HECW1: variants seen among roughly 807,000 people sequenced by gnomAD.
HECW1 encodes the protein E3 ubiquitin-protein ligase HECW1.
In HECW1, 61 loss-of-function variants were observed where a neutral mutation model predicts 182.3. The ratio of observed to expected loss-of-function variants is 0.33; its 90% CI spans 0.27 to 0.41. The LOEUF is 0.41. Among genes scored for constraint, HECW1 ranks in the 10% least tolerant of loss-of-function variants. The probability of loss-of-function intolerance (pLI) is 1.00; values close to 1 mark genes in which losing one functional copy is unlikely to be tolerated. For synonymous variants in HECW1, 859 were observed against 832.6 expected (o/e 1.03, Z -0.55); for missense variants, 1,739 against 2,108.9 (o/e 0.82, Z 3.44).
intron 21 of HECW1, among the ~76,000 whole-genome samples, chr7:43,506,298 G>A (rs17172218): frequency 0.065 from 9,839 of 152,080 alleles, 510 homozygotes; most frequent in African/African-American, 0.14. Flanking sequence ...ATCACTTCTT[G>A]TAGCAACTTA....
At chr7:43,140,070 A>G (rs547136530) in intron 2 of HECW1, among the ~76,000 whole-genome samples, 1 of 152,134 alleles carries the variant, frequency 6.6e-6, no homozygotes, top group Non-Finnish European at 1.5e-5. Context: ...TTGTTTTGTC[A>G]TCTTTTTATT....
rs953551081 is a variant in HECW1, at chr7:43,274,258, C to T, written c.27+30326C>T. On this transcript the variant is annotated intron_variant, in intron 3 of 29. Coordinates refer to ENST00000395891, the MANE Select transcript of HECW1 (RefSeq NM_015052.5). Reference sequence around the variant, plus strand: ...CCCCTCTACTGCATGCGAATCTTTGCGCCTAAATCATGTCGTCGCCAAGTC... The same window carrying T: ...CCCCTCTACTGCATGCGAATCTTTGTGCCTAAATCATGTCGTCGCCAAGTC... 41 of 873,090 alleles carry T rather than the reference C, an allele frequency of 4.7e-5. No homozygotes were observed. In the African/African-American group the frequency reaches 5.2e-4, roughly 11 times the overall value. The allele number at this position is 873,090 out of a possible 1,614,324, so 54.1% of individuals were successfully genotyped here.
intron 3 of HECW1, among the ~76,000 whole-genome samples, chr7:43,301,341 C>T (rs1806754178): frequency 6.6e-6 from 1 of 152,204 alleles, no homozygotes; most frequent in Non-Finnish European, 1.5e-5. Context: ...GCTTCCATGT[C>T]CTCCCATCTG....
At chr7:43,311,521 A>G in intron 3 of HECW1, 5 of 712,782 alleles carry the variant, frequency 7.0e-6, no homozygotes, top group South Asian at 1.4e-5. Context: ...AGAGACTCCA[A>G]CAAAACATGG....
chr7:43,445,521 C>G lies in HECW1; in HGVS notation c.2349C>G (p.Ser783Arg), dbSNP rs771352848. 20 of 1,609,466 alleles carry G rather than the reference C, an allele frequency of 1.2e-5. No homozygotes were observed. Among genetic ancestry groups the G allele is most frequent in the Non-Finnish European group, 1.7e-5 (20 of 1,177,568 alleles). Residue 783 changes from serine to arginine, a missense_variant, in exon 11 of 30, where the codon AGC (serine) becomes AGG (arginine). Ser to Arg is a moderately radical substitution (Grantham distance 110, BLOSUM62 -1). Around this residue, in one of 5 missense-constraint regions of HECW1, gnomAD observed 971 missense variants for 1,029.1 expected, o/e 0.94. Transcript: ENST00000395891. ...CCCCTAGCGGGCACGTGGAAAGAAG[C>G]CCGGAAGGTCTGGAATCCCCCGTGG... ...LAAPSGHVER[S>R]PEGLESPVAG...
intron 26 of HECW1, among the ~76,000 whole-genome samples, chr7:43,550,041 T>G (rs77863180): frequency 6.6e-6 from 1 of 151,182 alleles, no homozygotes; most frequent in African/African-American, 2.4e-5. Context: ...TACTTTGGAG[T>G]TGGGAGGATC....
rs992878489 is a variant in HECW1 at position 43,432,598 on chromosome 7, C to T, written c.802-5405C>T. The stretch of plus-strand genomic sequence containing the variant: ...AGACTCTGAGGTCTAAAGTTGGAGG[C>T]TGTGGCCCCAGCACTCCAGCACAGA... On this transcript the variant is annotated intron_variant, in intron 8 of 29. Transcript: ENST00000395891. This position sits in a 1 kb window ranked among gnomAD's most constrained non-coding sequence, Gnocchi z 4.1. 6.6e-6 allele frequency among the ~76,000 whole-genome samples: 1 copy of T among 152,208 alleles called. No homozygotes were observed. Among genetic ancestry groups the T allele is most frequent in the African/African-American group, 2.4e-5 (1 of 41,464 alleles).
chr7:43,203,285 T>TA (rs1390592263), intron 2 of HECW1, among the ~76,000 whole-genome samples: 2 of 152,220 alleles, frequency 1.3e-5, no homozygotes, highest in African/African-American at 4.8e-5. Flanking sequence ...TTCCCTAACT[T>TA]ATTGAGATAG....
intron 9 of HECW1, chr7:43,438,874 C>A (rs947078577): frequency 1.3e-5 from 2 of 152,088 alleles, no homozygotes; most frequent in Non-Finnish European, 2.9e-5. Flanking sequence ...GTAACCCTTA[C>A]AAAGATAGCA....
chr7:43,337,115 C>G (rs1211072498), intron 5 of HECW1, among the ~76,000 whole-genome samples: 2 of 152,080 alleles, frequency 1.3e-5, no homozygotes, highest in African/African-American at 4.8e-5. Context: ...TGGAATATCT[C>G]CATATTGTTT....
At chr7:43,287,047 G>C (rs1430050822) in intron 3 of HECW1, among the ~76,000 whole-genome samples, 1 of 152,058 alleles carries the variant, frequency 6.6e-6, no homozygotes, top group East Asian at 1.9e-4. Context: ...ATGGTTGGGG[G>C]TGGTGGGGAG....
intron 2 of HECW1, among the ~76,000 whole-genome samples, chr7:43,229,155 C>T (rs573496781): frequency 1.1e-4 from 16 of 152,288 alleles, no homozygotes; most frequent in African/African-American, 3.4e-4. Context: ...GATACGTTTC[C>T]GGTGTTGAGC....
chr7:43,365,718 T>G (rs1816556224), intron 6 of HECW1, among the ~76,000 whole-genome samples: 1 of 152,328 alleles, frequency 6.6e-6, no homozygotes, highest in South Asian at 2.1e-4. Context: ...TTCTTCTTCC[T>G]TCATGTTAAT....
chr7:43,374,026 T>G (rs558290361), intron 6 of HECW1, among the ~76,000 whole-genome samples: 1 of 152,352 alleles, frequency 6.6e-6, no homozygotes, highest in South Asian at 2.1e-4. Flanking sequence ...TCTATTCTGA[T>G]TATCCATTCC....
At chr7:43,166,093 G>GA (rs1554297262) in intron 2 of HECW1, among the ~76,000 whole-genome samples, 8 of 151,924 alleles carry the variant, frequency 5.3e-5, no homozygotes, top group Admixed American at 2.0e-4. Flanking sequence ...TGTGTTTTTG[G>GA]TTTTTTTTGA....
chr7:43,457,964 A>C (rs1309840142), intron 13 of HECW1, among the ~76,000 whole-genome samples: 1 of 152,190 alleles, frequency 6.6e-6, no homozygotes, highest in Non-Finnish European at 1.5e-5. Flanking sequence ...CATTAACAAA[A>C]ACCATAAAAG....
At chr7:43,161,193 C>T (rs1391071667) in intron 2 of HECW1, among the ~76,000 whole-genome samples, 1 of 151,962 alleles carries the variant, frequency 6.6e-6, no homozygotes, top group Non-Finnish European at 1.5e-5. Flanking sequence ...TTCAAGAGGC[C>T]TCCCTTTTGC....
intron 2 of HECW1, among the ~76,000 whole-genome samples, chr7:43,155,697 A>G (rs978870190): frequency 3.3e-5 from 5 of 152,280 alleles, no homozygotes; most frequent in Middle Eastern, 3.4e-3. Context: ...CTCTGCAGCA[A>G]TTGTCTCTAA....
At chr7:43,164,436 T>C (rs553374396) in intron 2 of HECW1, among the ~76,000 whole-genome samples, 6 of 152,266 alleles carry the variant, frequency 3.9e-5, no homozygotes, top group East Asian at 3.9e-4. Context: ...TTCAGCAACA[T>C]TGGGAAATCA....
Sources: allele counts gnomAD v4.1 joint callset (sites outside exome capture counted in the v4.1 genomes callset), GRCh38; gene constraint gnomAD v4.1.1; regional missense constraint gnomAD v4.1.1; non-coding constraint Gnocchi (gnomAD v3.1); transcripts MANE v1.5; gene names NCBI Gene and HGNC (gene_info 2026-07-23, HGNC 2026-07-21).